The following MARCHF8 variants were observed in gnomAD, a reference collection of about 807,000 sequenced individuals.
The protein encoded by MARCHF8 is E3 ubiquitin-protein ligase MARCHF8.
A neutral mutation model predicts 51.6 loss-of-function variants in MARCHF8; 40 were observed. That is an observed-to-expected ratio of 0.77 (90% CI 0.60 to 1.01). The LOEUF is 1.01. Ranked by LOEUF, MARCHF8 falls within the 50% of genes least tolerant of loss-of-function variation. The pLI is 0.00. For missense variants in MARCHF8, 685 were observed against 708.6 expected, an observed-to-expected ratio of 0.97 and a Z score of 0.38; for synonymous variants, 263 against 280.3, an observed-to-expected ratio of 0.94 and a Z score of 0.62.
rs983630343 is a variant in MARCHF8 at position 45,513,033 on chromosome 10, C to CGTTAAGA, written c.102+20070_102+20076dup. ...AACAGATGCTTGAAGGCAGCATGCT[C>CGTTAAGA]GTTAAGAATCATCACCACTCCCTAA... On this transcript the variant is annotated intron_variant, in intron 2 of 7. Transcript: ENST00000453424. 8.6e-5 allele frequency among the ~76,000 whole-genome samples: 13 copies of CGTTAAGA among 151,034 alleles called. 1 individual carries two copies. The highest frequency in any genetic ancestry group is 1.6e-4 in the Non-Finnish European group (11 of 67,724).
intron 1 of MARCHF8, among the ~76,000 whole-genome samples, chr10:45,558,388 C>T (rs977840743): frequency 3.3e-5 from 5 of 152,190 alleles, no homozygotes; most frequent in African/African-American, 1.2e-4. Flanking sequence ...CTGTCATTCA[C>T]ACTATCCTAC....
intron 1 of MARCHF8, among the ~76,000 whole-genome samples, chr10:45,584,448 A>G (rs531881418): frequency 6.6e-6 from 1 of 152,222 alleles, no homozygotes; most frequent in Admixed American, 6.5e-5. Context: ...CAGATTAAAA[A>G]CACCATGAGA....
intron 3 of MARCHF8, among the ~76,000 whole-genome samples, chr10:45,483,367 C>T (rs1014562276): frequency 9.2e-5 from 14 of 152,206 alleles, no homozygotes; most frequent in Admixed American, 3.3e-4. Context: ...TGTAAATGAC[C>T]GACAGCTGCA....
chr10:45,462,579 C>A (rs1257017616), intron 5 of MARCHF8, among the ~76,000 whole-genome samples: 1 of 151,886 alleles, frequency 6.6e-6, no homozygotes, highest in Non-Finnish European at 1.5e-5. Flanking sequence ...TTAGAAGAGT[C>A]AGCTTGGCCT....
At chr10:45,489,991 C>T (rs1272414479) in intron 2 of MARCHF8, among the ~76,000 whole-genome samples, 1 of 152,244 alleles carries the variant, frequency 6.6e-6, no homozygotes, top group Non-Finnish European at 1.5e-5. Flanking sequence ...CAGCCTCCTT[C>T]CTCTCATGCC....
chr10:45,576,223 AT>A (rs971814722), intron 1 of MARCHF8, among the ~76,000 whole-genome samples: 1 of 152,194 alleles, frequency 6.6e-6, no homozygotes, highest in African/African-American at 2.4e-5. Context: ...ATACAGTTAA[AT>A]GATTTTCAGG....
intron 2 of MARCHF8, among the ~76,000 whole-genome samples, chr10:45,522,364 T>C (rs771635226): frequency 1.2e-4 from 18 of 152,076 alleles, no homozygotes; most frequent in Non-Finnish European, 2.2e-4. Context: ...TCTCCACCAC[T>C]TTCCAGAAAA....
chr10:45,461,468 C>G, intron 5 of MARCHF8, 57 bp from the exon 6 acceptor site: 4 of 1,396,678 alleles, frequency 2.9e-6, no homozygotes, highest in Non-Finnish European at 3.8e-6. Flanking sequence ...GGGAAGCTGA[C>G]ACTTCAGTGG....
chr10:45,530,251 T>C (rs1413545510), intron 2 of MARCHF8, among the ~76,000 whole-genome samples: 1 of 151,468 alleles, frequency 6.6e-6, no homozygotes, highest in Admixed American at 6.6e-5. Flanking sequence ...GCATAGAGAG[T>C]GGAATAATAA....
intron 2 of MARCHF8, among the ~76,000 whole-genome samples, chr10:45,493,075 G>T (rs942455715): frequency 1.3e-5 from 2 of 152,152 alleles, no homozygotes; most frequent in Non-Finnish European, 2.9e-5. Context: ...AAAGTGTTTT[G>T]GTGAGAAATG....
chr10:45,461,261 G>A lies in MARCHF8; in HGVS notation c.1239C>T (p.Ile413=). 1 of 1,568,454 alleles carries A rather than the reference G, an allele frequency of 6.4e-7. No individual in the cohort carries two copies. The highest frequency in any genetic ancestry group is 8.6e-7 in the Non-Finnish European group (1 of 1,157,120). The change falls in exon 6 of 8, where the codon ATC becomes ATT. Residue 413 remains isoleucine, a synonymous_variant. Coordinates refer to ENST00000453424, the MANE Select transcript of MARCHF8 (RefSeq NM_001282866.2). ...RCCELCKYEF[I]METKLKPLRK... ...TCAGTGGCTTCAGCTTGGTCTCCAT[G>A]ATGAACTCATACTTGCAGAGCTCGC...
At chr10:45,468,159 C>A (rs561241467) in intron 3 of MARCHF8, among the ~76,000 whole-genome samples, 6 of 152,268 alleles carry the variant, frequency 3.9e-5, no homozygotes, top group African/African-American at 1.4e-4. Flanking sequence ...GCTTTGTTAT[C>A]AAATTCACCA....
At chr10:45,512,020 C>G in intron 2 of MARCHF8, among the ~76,000 whole-genome samples, 1 of 151,188 alleles carries the variant, frequency 6.6e-6, no homozygotes, top group Middle Eastern at 3.5e-3. Context: ...TCTTCCCGGC[C>G]GTCATCCCAT....
chr10:45,549,337 T>C (rs2044167900), intron 1 of MARCHF8, among the ~76,000 whole-genome samples: 1 of 152,244 alleles, frequency 6.6e-6, no homozygotes, highest in Non-Finnish European at 1.5e-5. Flanking sequence ...CATGATTTCC[T>C]ATTTCTCATA....
rs548844429 is a variant in MARCHF8 at position 45,554,010 on chromosome 10, C to T, written c.-78-20721G>A. Among the ~76,000 whole-genome samples, 6 of 152,256 alleles carry T rather than the reference C, an allele frequency of 3.9e-5. No individual in the cohort carries two copies. The East Asian group carries it at 9.6e-4, about 24-fold the overall frequency. ...AAAAATAATTGAAAAACTGTCATCT[C>T]TAAAATTCAAAAGCAAAATGAAATG... is the stretch of plus-strand genomic sequence containing the variant. On this transcript the variant is annotated intron_variant, in intron 1 of 6. Coordinates refer to the MARCHF8 transcript ENST00000319836.
chr10:45,488,406 G>A (rs757540652), intron 3 of MARCHF8, among the ~76,000 whole-genome samples: 14 of 152,060 alleles, frequency 9.2e-5, no homozygotes, highest in Non-Finnish European at 2.1e-4. Context: ...AGCTCTCATC[G>A]TGAGACCATG....
intron 1 of MARCHF8, among the ~76,000 whole-genome samples, chr10:45,544,331 CA>C (rs2044094181): frequency 6.6e-6 from 1 of 152,158 alleles, no homozygotes; most frequent in African/African-American, 2.4e-5. Context: ...AAAAGTTAAA[CA>C]TAAACTTATC....
chr10:45,558,912 G>A (rs1181979436), intron 1 of MARCHF8, among the ~76,000 whole-genome samples: 5 of 152,318 alleles, frequency 3.3e-5, no homozygotes, highest in Non-Finnish European at 5.9e-5. Flanking sequence ...GAAGAAATAT[G>A]TAGTAAAATC....
At chr10:45,568,302 A>C (rs566716574) in intron 1 of MARCHF8, among the ~76,000 whole-genome samples, 12 of 152,314 alleles carry the variant, frequency 7.9e-5, no homozygotes, top group African/African-American at 2.9e-4. Context: ...GACTTCTAGT[A>C]CTGCATTGAA....
Sources: allele counts gnomAD v4.1 joint callset (sites outside exome capture counted in the v4.1 genomes callset), GRCh38; gene constraint gnomAD v4.1.1; transcripts MANE v1.5; gene names NCBI Gene and HGNC (gene_info 2026-07-23, HGNC 2026-07-21).